CYB5R4: variants seen among roughly 807,000 people sequenced by gnomAD.
CYB5R4 encodes the protein cytochrome b5 reductase 4.
A neutral mutation model predicts 70.2 loss-of-function variants in CYB5R4; 55 were observed. The observed-to-expected ratio is 0.78, with a 90% CI of 0.63 to 0.98. The LOEUF (loss-of-function observed/expected upper bound fraction) is 0.98. Among genes scored for constraint, CYB5R4 ranks in the 50% least tolerant of loss-of-function variants. The pLI is 0.00. For missense variants in CYB5R4, 562 were observed against 612.6 expected (o/e 0.92, Z 0.87); for synonymous variants, 197 against 199.5 (o/e 0.99, Z 0.11).
intron 1 of CYB5R4, among the ~76,000 whole-genome samples, chr6:83,862,103 G>A (rs1301530919): frequency 6.6e-6 from 1 of 152,190 alleles, no homozygotes; most frequent in Non-Finnish European, 1.5e-5. Context: ...AGATGTAAAT[G>A]AGAATAACAG....
intron 14 of CYB5R4, among the ~76,000 whole-genome samples, chr6:83,944,513 A>C (rs993629916): frequency 6.6e-6 from 1 of 152,248 alleles, no homozygotes; most frequent in African/African-American, 2.4e-5. Context: ...GAAACTATGA[A>C]GAAAATGCAT....
In CYB5R4 at chr6:83,964,976, A is replaced by G. The variant is rs907410000; in HGVS notation, c.*5098A>G. On this transcript the variant is annotated 3_prime_UTR_variant, in exon 16 of 16. Transcript: ENST00000369681. Reference sequence around the variant, plus strand: ...AGCATGTGGGTGCACAGAAGTCAAGAAATGGGGTTTGGGAACCTCTGTCTA... The same window carrying G: ...AGCATGTGGGTGCACAGAAGTCAAGGAATGGGGTTTGGGAACCTCTGTCTA... The G allele has an allele frequency of 8.5e-5, 13 of 152,356 alleles. No homozygotes were observed. The highest frequency in any genetic ancestry group is 5.2e-4 in the Admixed American group (8 of 15,298). The allele number at this position is 152,356 out of a possible 1,614,324, so 9.4% of individuals were successfully genotyped here.
intron 6 of CYB5R4, among the ~76,000 whole-genome samples, chr6:83,918,714 T>C (rs1280454588): frequency 6.6e-6 from 1 of 152,094 alleles, no homozygotes; most frequent in Non-Finnish European, 1.5e-5. Context: ...ATTTCGTTAA[T>C]GACACTTAAA....
chr6:83,864,936 A>G (rs986391257), intron 2 of CYB5R4, among the ~76,000 whole-genome samples: 5 of 152,196 alleles, frequency 3.3e-5, no homozygotes, highest in African/African-American at 1.2e-4. Context: ...CAACAACCTG[A>G]TATCTAGTAG....
intron 1 of CYB5R4, among the ~76,000 whole-genome samples, chr6:83,860,428 C>A (rs150588707): frequency 1.3e-5 from 2 of 152,152 alleles, no homozygotes; most frequent in African/African-American, 4.8e-5. Flanking sequence ...ATTGCCTTTT[C>A]TACTAGTATC....
At position 83,946,344 on chromosome 6, in the gene CYB5R4, G is replaced by A. The variant is rs529902826; in HGVS notation, c.1346+5743G>A. Among the ~76,000 whole-genome samples the A allele has an allele frequency of 2.6e-5, 4 of 152,248 alleles. No homozygotes were observed. The East Asian group carries it at 7.7e-4, about 29-fold the overall frequency. On this transcript the variant is annotated intron_variant, in intron 14 of 15. Transcript: ENST00000369681. ...AAACCACGTGATGATCTCAATAGATGCAGAAAAGGCCTTCAATAAAATTCA... is the reference window on the plus strand; with the variant it reads ...AAACCACGTGATGATCTCAATAGATACAGAAAAGGCCTTCAATAAAATTCA...
intron 14 of CYB5R4, among the ~76,000 whole-genome samples, chr6:83,943,948 A>G (rs2099470168): frequency 6.6e-6 from 1 of 152,112 alleles, no homozygotes; most frequent in Admixed American, 6.6e-5. Flanking sequence ...TCCAAGAAAT[A>G]TGGGACTACA....
chr6:83,946,769 C>T (rs1271297178), intron 14 of CYB5R4, among the ~76,000 whole-genome samples: 1 of 152,032 alleles, frequency 6.6e-6, no homozygotes, highest in Non-Finnish European at 1.5e-5. Context: ...CATTCCTATA[C>T]ACCAATAATA....
intron 8 of CYB5R4, 52 bp downstream of exon 8, chr6:83,921,227 G>A (rs1334434474): frequency 1.5e-6 from 2 of 1,378,822 alleles, no homozygotes; most frequent in Non-Finnish European, 9.7e-7. Context: ...CTTTAAATAT[G>A]GCAATAACTT....
intron 15 of CYB5R4, among the ~76,000 whole-genome samples, chr6:83,956,492 A>T (rs1376824230): frequency 1.3e-5 from 2 of 152,076 alleles, no homozygotes; most frequent in Non-Finnish European, 2.9e-5. Context: ...TCAGGTTAAG[A>T]TAAAAGATTG....
chr6:83,875,814 C>G (rs1217951188), intron 2 of CYB5R4, among the ~76,000 whole-genome samples: 1 of 152,146 alleles, frequency 6.6e-6, no homozygotes, highest in African/African-American at 2.4e-5. Flanking sequence ...TTAGGAATGC[C>G]TTTGTTCTCC....
At position 83,960,396 on chromosome 6, in the gene CYB5R4, A is replaced by G. The variant is rs1405700176; in HGVS notation, c.*518A>G. 2 of 152,778 alleles carry G rather than the reference A, an allele frequency of 1.3e-5. No individual in the cohort carries two copies. Among genetic ancestry groups the G allele is most frequent in the African/African-American group, 4.8e-5 (2 of 41,584 alleles). The allele number at this position is 152,778 out of a possible 1,614,324, so 9.5% of individuals were successfully genotyped here. On this transcript the variant is annotated 3_prime_UTR_variant, in exon 16 of 16. Transcript: ENST00000369681. ...TGTGTGTGTATGGCATTGATGCAGA[A>G]TAGAATAAAATTATACTTAAGTTCT...
intron 15 of CYB5R4, among the ~76,000 whole-genome samples, chr6:83,959,508 G>A (rs1305475455): frequency 6.6e-6 from 1 of 152,136 alleles, no homozygotes; most frequent in African/African-American, 2.4e-5. Flanking sequence ...GGATCTTACA[G>A]ATCAAAGGAT....
intron 4 of CYB5R4, among the ~76,000 whole-genome samples, chr6:83,913,308 G>A (rs1297740838): frequency 6.6e-6 from 1 of 152,150 alleles, no homozygotes; most frequent in African/African-American, 2.4e-5. Flanking sequence ...TGGTTTTTAG[G>A]CCTACTATCC....
At chr6:83,929,463 T>G (rs61763844) in intron 10 of CYB5R4, 4 of 152,298 alleles carry the variant, frequency 2.6e-5, no homozygotes, top group Non-Finnish European at 5.9e-5. Flanking sequence ...AGAACATCAA[T>G]CAGAGAAGAG....
At chr6:83,893,078 T>C (rs2099461378) in intron 2 of CYB5R4, among the ~76,000 whole-genome samples, 1 of 152,162 alleles carries the variant, frequency 6.6e-6, no homozygotes, top group African/African-American at 2.4e-5. Flanking sequence ...ATAATAAATA[T>C]CTCCCTCAGG....
intron 10 of CYB5R4, among the ~76,000 whole-genome samples, chr6:83,927,224 G>A (rs1259090591): frequency 6.6e-6 from 1 of 152,134 alleles, no homozygotes; most frequent in African/African-American, 2.4e-5. Flanking sequence ...TTTATTGCAT[G>A]AGATAGGAAA....
At chr6:83,866,699 T>C (rs2099456764) in intron 2 of CYB5R4, among the ~76,000 whole-genome samples, 1 of 152,082 alleles carries the variant, frequency 6.6e-6, no homozygotes, top group Non-Finnish European at 1.5e-5. Flanking sequence ...CACAGCATCC[T>C]TGACCTCCTG....
intron 14 of CYB5R4, among the ~76,000 whole-genome samples, chr6:83,943,598 A>G (rs1588584493): frequency 6.6e-6 from 1 of 152,216 alleles, no homozygotes; most frequent in South Asian, 2.1e-4. Context: ...AAGGGAACAT[A>G]ACTGGATGGA....
Sources: allele counts gnomAD v4.1 joint callset (sites outside exome capture counted in the v4.1 genomes callset), GRCh38; gene constraint gnomAD v4.1.1; transcripts MANE v1.5; gene names NCBI Gene and HGNC (gene_info 2026-07-23, HGNC 2026-07-21).